Variants in LGSN observed in about 807,000 individuals in gnomAD.
The protein encoded by LGSN is lengsin.
In LGSN, 21 loss-of-function variants were observed where a neutral mutation model predicts 19.5. That is an observed-to-expected ratio of 1.07 (90% CI 0.76 to 1.55). LGSN has a LOEUF of 1.55. LGSN is among the 40% of genes most tolerant of loss of function. The pLI is 0.00. For missense variants in LGSN, 673 were observed against 608.5 expected, an observed-to-expected ratio of 1.11 and a Z score of -1.12; for synonymous variants, 257 against 215.6, an observed-to-expected ratio of 1.19 and a Z score of -1.68.
At chr6:63,449,232 A>T in the LGSN span, among the ~76,000 whole-genome samples, 2 of 152,160 alleles carry the variant, frequency 1.3e-5, no homozygotes, top group Non-Finnish European at 2.9e-5. Context: ...AGAGAGAGCC[A>T]ACATAAAAGC....
chr6:63,531,481 T>G, the LGSN span, among the ~76,000 whole-genome samples: 1 of 151,986 alleles, frequency 6.6e-6, no homozygotes, highest in Non-Finnish European at 1.5e-5. Flanking sequence ...ATGTAATATT[T>G]GTATTAAGTT....
chr6:63,393,178 G>A, the LGSN span, among the ~76,000 whole-genome samples: 19 of 137,450 alleles, frequency 1.4e-4, no homozygotes, highest in Non-Finnish European at 2.5e-4. Context: ...GAGCCACCGC[G>A]CCCAGCCAAG....
chr6:63,548,093 T>A, the LGSN span, among the ~76,000 whole-genome samples: 2 of 152,168 alleles, frequency 1.3e-5, no homozygotes, highest in Non-Finnish European at 2.9e-5. Context: ...ACAACTCAGC[T>A]CCGAGGTCAT....
At chr6:63,365,389 A>G in the LGSN span, among the ~76,000 whole-genome samples, 2 of 152,236 alleles carry the variant, frequency 1.3e-5, no homozygotes, top group Non-Finnish European at 2.9e-5. Flanking sequence ...TAATCCAGGA[A>G]GAAGTTGAAT....
chr6:63,346,946 C>T, the LGSN span, among the ~76,000 whole-genome samples: 3 of 152,150 alleles, frequency 2.0e-5, no homozygotes, highest in Non-Finnish European at 1.5e-5. Flanking sequence ...GGGGTAGCAT[C>T]TCCTGGCGAA....
the LGSN span, among the ~76,000 whole-genome samples, chr6:63,537,098 G>T: frequency 2.2e-4 from 34 of 152,174 alleles, no homozygotes; most frequent in Admixed American, 3.9e-4. Context: ...TAAAGTGAAA[G>T]GGGCTTCCAT....
chr6:63,301,603 T>C (rs1341474301), intron 1 of LGSN, among the ~76,000 whole-genome samples: 2 of 152,166 alleles, frequency 1.3e-5, no homozygotes, highest in Admixed American at 1.3e-4. Context: ...AGCAGTAGTA[T>C]TGATTATATA....
chr6:63,393,321 T>C, the LGSN span, among the ~76,000 whole-genome samples: 1 of 151,806 alleles, frequency 6.6e-6, no homozygotes, highest in African/African-American at 2.4e-5. Context: ...AGATTACAGG[T>C]GTGTGCCACA....
chr6:63,541,551 C>T, the LGSN span, among the ~76,000 whole-genome samples: 2 of 152,036 alleles, frequency 1.3e-5, no homozygotes, highest in Non-Finnish European at 2.9e-5. Flanking sequence ...TCAAGAAAAA[C>T]AATTTAAGTC....
the LGSN span, among the ~76,000 whole-genome samples, chr6:63,517,075 GT>G: frequency 0.021 from 3,226 of 152,136 alleles, 129 homozygotes; most frequent in African/African-American, 0.074. Context: ...ACAAAGAAAG[GT>G]TTTAAGAATT....
At chr6:63,462,867 C>G in the LGSN span, among the ~76,000 whole-genome samples, 61 of 152,272 alleles carry the variant, frequency 4.0e-4, no homozygotes, top group African/African-American at 1.2e-3. Context: ...AAATACATTT[C>G]TTGTTTTAAT....
chr6:63,334,082 T>C, the LGSN span, among the ~76,000 whole-genome samples: 51 of 152,344 alleles, frequency 3.3e-4, no homozygotes, highest in African/African-American at 1.2e-3. Context: ...ATGCCCATTT[T>C]AACCACTTAT....
At chr6:63,341,999 T>C in the LGSN span, among the ~76,000 whole-genome samples, 35 of 152,344 alleles carry the variant, frequency 2.3e-4, no homozygotes, top group African/African-American at 7.9e-4. Context: ...GATTTCATTT[T>C]AGAGCTGGTA....
At chr6:63,510,666 T>C in the LGSN span, among the ~76,000 whole-genome samples, 3 of 33,502 alleles carry the variant, frequency 9.0e-5, no homozygotes, top group African/African-American at 1.3e-3. Context: ...GCGAATTTTT[T>C]TTTTTTTTTT....
the LGSN span, among the ~76,000 whole-genome samples, chr6:63,531,441 A>G: frequency 3.3e-5 from 5 of 152,222 alleles, no homozygotes; most frequent in East Asian, 1.9e-4. Context: ...CAAAATGCCT[A>G]CATAGACATC....
chr6:63,340,667 G>T, the LGSN span, among the ~76,000 whole-genome samples: 1 of 148,334 alleles, frequency 6.7e-6, no homozygotes, highest in Admixed American at 6.7e-5. Flanking sequence ...TTCATATCAT[G>T]AATTGTTTTT....
the LGSN span, among the ~76,000 whole-genome samples, chr6:63,352,261 T>C: frequency 1.3e-5 from 2 of 152,352 alleles, no homozygotes; most frequent in South Asian, 2.1e-4. Context: ...AAAACTCACA[T>C]GTTAGTAGAG....
chr6:63,358,717 T>C, the LGSN span, among the ~76,000 whole-genome samples: 1 of 152,252 alleles, frequency 6.6e-6, no homozygotes, highest in African/African-American at 2.4e-5. Flanking sequence ...GCTTATCAGC[T>C]TAAGGAGATT....
the LGSN span, among the ~76,000 whole-genome samples, chr6:63,389,308 C>T: frequency 6.6e-6 from 1 of 152,154 alleles, no homozygotes; most frequent in Non-Finnish European, 1.5e-5. Context: ...AAGAAGCTTA[C>T]CTTACATTTT....
Sources: gnomAD v4.1 joint callset for allele counts (sites outside exome capture counted in the v4.1 genomes callset) on GRCh38, gnomAD v4.1.1 for gene constraint, MANE v1.5 for transcripts, NCBI Gene and HGNC (gene_info 2026-07-23, HGNC 2026-07-21) for gene names.